The following ITGA3 variants were observed in gnomAD, a reference collection of about 807,000 sequenced individuals.
ITGA3 encodes integrin alpha-3.
ITGA3 carries 70 observed loss-of-function variants against 131.1 expected under a neutral mutation model. That is an observed-to-expected ratio of 0.53 (90% CI 0.44 to 0.65). The LOEUF (loss-of-function observed/expected upper bound fraction) is 0.65. Ranked by LOEUF, ITGA3 falls within the 30% of genes least tolerant of loss-of-function variation. ITGA3 has a pLI of 0.00. For synonymous variants in ITGA3, 537 were observed against 571.6 expected (o/e 0.94, Z 0.86); for missense variants, 1,098 against 1,388.6 (o/e 0.79, Z 3.33).
chr17:50,090,016 AG>A lies in ITGA3; in HGVS notation c.*939del, dbSNP rs1909642909. 5.3e-5 allele frequency: 14 copies of A among 264,074 alleles called. No individual in the cohort carries two copies. Among genetic ancestry groups the A allele is most frequent in the South Asian group, 4.9e-4 (14 of 28,686 alleles). 16.4% of individuals were successfully genotyped at this position (264,074 alleles called of 1,614,324 possible). On this transcript the variant is annotated 3_prime_UTR_variant, in exon 26 of 26. Coordinates refer to ENST00000320031, the MANE Select transcript of ITGA3 (RefSeq NM_002204.4). ...TGGGGCACGGCGGGATCCTCCACAG[AG>A]AGGAGGGGACCAATTCTGGACAGAC...
In ITGA3 at chr17:50,068,048, G is replaced by T. The variant is rs771343383; in HGVS notation, c.415-8G>T. 1.2e-6 allele frequency: 2 copies of T among 1,613,666 alleles called. No individual in the cohort carries two copies. The highest frequency in any genetic ancestry group is 1.7e-6 in the Non-Finnish European group (2 of 1,179,912). ...GACTAAGGCTGCCTGTGTTTGGGGGGTCCCCAGGTCTGTGCCCACCGCTAC... is the reference window on the plus strand; with the variant it reads ...GACTAAGGCTGCCTGTGTTTGGGGGTTCCCCAGGTCTGTGCCCACCGCTAC... On this transcript the variant is annotated splice_region_variant and splice_polypyrimidine_tract_variant and intron_variant, in intron 3 of 25. Coordinates refer to ENST00000320031, the MANE Select transcript of ITGA3 (RefSeq NM_002204.4).
intron 5 of ITGA3, 82 bp downstream of exon 5, chr17:50,071,012 G>A: frequency 1.1e-6 from 1 of 916,232 alleles, no homozygotes; most frequent in Non-Finnish European, 1.8e-6. Flanking sequence ...CCAGAGTGCA[G>A]TTGTGACTAA....
chr17:50,064,416 G>C lies in ITGA3; in HGVS notation c.335-112G>C. On this transcript the variant is annotated intron_variant, in intron 2 of 25. Transcript: ENST00000320031. The surrounding 1 kb of genome is among the most constrained non-coding windows in gnomAD (Gnocchi z 4.4). The stretch of plus-strand genomic sequence containing the variant: ...CGAGCTGGAGAAGGGGAGTTGGGAG[G>C]GCTGCCCTGTGGGTGGAGGGCCCAA... The C allele has an allele frequency of 8.4e-6, 10 of 1,186,762 alleles. No homozygotes were observed. The highest frequency in any genetic ancestry group is 1.1e-5 in the Non-Finnish European group (9 of 839,936). 73.5% of individuals were successfully genotyped at this position (1,186,762 alleles called of 1,614,324 possible). A position where few individuals can be genotyped will look rare whatever the true frequency, so the allele number is the denominator to read the frequency against.
rs1244733095 is a variant in ITGA3 at position 50,060,489 on chromosome 17, C to T, written c.207-3588C>T. On this transcript the variant is annotated intron_variant, in intron 1 of 25. Coordinates refer to ENST00000320031, the MANE Select transcript of ITGA3 (RefSeq NM_002204.4). ...GGCTGTTCCATTAGCTCTGAACTGCCCCAAGGGGAGTGATAGGGCAGGGGT... is the reference window on the plus strand; with the variant it reads ...GGCTGTTCCATTAGCTCTGAACTGCTCCAAGGGGAGTGATAGGGCAGGGGT... Among the ~76,000 whole-genome samples the T allele has an allele frequency of 3.9e-5, 6 of 152,302 alleles. No homozygotes were observed. The East Asian group carries it at 1.2e-3, about 29-fold the overall frequency.
At position 50,080,463 on chromosome 17, in the gene ITGA3, G is replaced by GGTGTGTGTGTGT. The variant is rs113441627; in HGVS notation, c.2820+120_2820+131dup. 141 of 506,292 alleles carry GGTGTGTGTGTGT rather than the reference G, an allele frequency of 2.8e-4. No homozygotes were observed. The African/African-American group carries it at 2.9e-3, about 10-fold the overall frequency. The allele number at this position is 506,292 out of a possible 1,614,324, so 31.4% of individuals were successfully genotyped here. ...AGGGCGAGTCCAGGGTCATAGCATGGGTGTGTGTGTGTGTGTGTGTGTGTG... is the reference window on the plus strand; with the variant it reads ...AGGGCGAGTCCAGGGTCATAGCATGGGTGTGTGTGTGTGTGTGTGTGTGTGTGTGTGTGTGTG... On this transcript the variant is annotated intron_variant, in intron 22 of 25. Coordinates refer to ENST00000320031, the MANE Select transcript of ITGA3 (RefSeq NM_002204.4).
At chr17:50,063,952 G>A in intron 1 of ITGA3, 125 bp from the exon 2 acceptor site, 2 of 1,350,772 alleles carry the variant, frequency 1.5e-6, no homozygotes, top group Non-Finnish European at 2.0e-6. Flanking sequence ...GGGCACTTCT[G>A]GAGGGCAGGA....
rs75714949 is a variant in ITGA3 at position 50,080,465 on chromosome 17, T to G, written c.2820+90T>G. On this transcript the variant is annotated intron_variant, in intron 22 of 25. Transcript: ENST00000320031. ...GGCGAGTCCAGGGTCATAGCATGGG[T>G]GTGTGTGTGTGTGTGTGTGTGTGTG... 0.13 allele frequency: 5,870 copies of G among 44,808 alleles called. 154 individuals carry two copies. The highest frequency in any genetic ancestry group is 0.24 in the Admixed American group (1,244 of 5,266). The allele number at this position is 44,808 out of a possible 1,614,324, so 2.8% of individuals were successfully genotyped here. A position where few individuals can be genotyped will look rare whatever the true frequency, so the allele number is the denominator to read the frequency against.
In ITGA3 at chr17:50,088,233, C is replaced by A. The variant is rs1343106360; in HGVS notation, c.3054C>A (p.Phe1018Leu). The A allele has an allele frequency of 5.1e-6, 8 of 1,563,916 alleles. No homozygotes were observed. The highest frequency in any genetic ancestry group is 6.9e-6 in the Non-Finnish European group (8 of 1,154,174). The change falls in exon 25 of 26, where the codon TTC becomes TTA. Residue 1018 changes from phenylalanine (F) to leucine (L), a missense_variant. Around this residue, in one of 3 missense-constraint regions of ITGA3, gnomAD observed 699 missense variants for 829.2 expected, o/e 0.84. Coordinates refer to ENST00000320031, the MANE Select transcript of ITGA3 (RefSeq NM_002204.4). ...CCTCCTCCCCTCCGCAGTGCGGCTT[C>A]TTCAAGCGAGCCCGCACTCGCGCCC... ...LIILLLWKCG[F>L]FKRARTRALY...
chr17:50,079,503 C>T lies in ITGA3; in HGVS notation c.2652C>T (p.Gly884=). 1 of 1,576,980 alleles carries T rather than the reference C, an allele frequency of 6.3e-7. No individual in the cohort carries two copies. Among genetic ancestry groups the T allele is most frequent in the South Asian group, 1.2e-5 (1 of 85,842 alleles). The change falls in exon 21 of 26, where the codon GGC becomes GGT. Residue 884 remains glycine (G), a synonymous_variant. Coordinates refer to ENST00000320031, the MANE Select transcript of ITGA3 (RefSeq NM_002204.4). The part of the protein sequence containing the change: ...RRQLDPGGGQ[G]PPPVTLAAAK... ...AGCTGGATCCAGGGGGAGGCCAGGG[C>T]CCCCCACCTGTCACTCTGGCTGCTG...
chr17:50,084,248 A>G (rs1039579658), intron 23 of ITGA3, among the ~76,000 whole-genome samples: 2 of 150,884 alleles, frequency 1.3e-5, no homozygotes, highest in South Asian at 4.2e-4. Flanking sequence ...AAAAAAAAAA[A>G]AAAAAAAAGA....
rs554892522 is a variant in ITGA3 at position 50,087,985 on chromosome 17, T to C, written c.3045+116T>C. ...CCTTCCATCTCACCCCCACCCTTCCTCCCTGTCCTCTCCACCTTCTACCAC... is the reference window on the plus strand; with the variant it reads ...CCTTCCATCTCACCCCCACCCTTCCCCCCTGTCCTCTCCACCTTCTACCAC... On this transcript the variant is annotated intron_variant, in intron 24 of 25. Coordinates refer to ENST00000320031, the MANE Select transcript of ITGA3 (RefSeq NM_002204.4). The C allele has an allele frequency of 4.8e-5, 66 of 1,378,044 alleles. No homozygotes were observed. The African/African-American group carries it at 8.9e-4, about 19-fold the overall frequency. The allele number at this position is 1,378,044 out of a possible 1,614,324, so 85.4% of individuals were successfully genotyped here.
chr17:50,059,026 G>A (rs1567695374), intron 1 of ITGA3, among the ~76,000 whole-genome samples: 1 of 152,184 alleles, frequency 6.6e-6, no homozygotes, highest in Non-Finnish European at 1.5e-5. Flanking sequence ...CCATTCATAA[G>A]GCCTCAGAAA....
intron 3 of ITGA3, chr17:50,065,242 A>G (rs1371488255): frequency 1.3e-5 from 2 of 152,222 alleles, no homozygotes; most frequent in Non-Finnish European, 2.9e-5. Context: ...TGGTGCTCAT[A>G]TGATGCCACC....
In ITGA3 at chr17:50,068,311, G is replaced by C. The variant is rs770623576; in HGVS notation, c.664+6G>C. ...CGGTGCCTACAACTGGAAAGGTGGG[G>C]ACCATGGGGCCATGGGGGAAGAAAG... On this transcript the variant is annotated splice_donor_region_variant and intron_variant, in intron 4 of 25. Transcript: ENST00000320031. 1 of 1,612,232 alleles carries C rather than the reference G, an allele frequency of 6.2e-7. No individual in the cohort carries two copies. Among genetic ancestry groups the C allele is most frequent in the Non-Finnish European group, 8.5e-7 (1 of 1,179,744 alleles).
At chr17:50,088,430 T>C in intron 25 of ITGA3, 64 bp downstream of exon 25, 1 of 809,228 alleles carries the variant, frequency 1.2e-6, no homozygotes, top group Non-Finnish European at 2.1e-6. Context: ...GACTCTGTCC[T>C]ATCTGCTCCT....
At position 50,064,119 on chromosome 17, in the gene ITGA3, C is replaced by T; in HGVS notation, c.249C>T (p.Gly83=). ...CCCGGGAGCTCGCTGTGCCCGATGG[C>T]TACACCAACCGGACTGGTGCTGTGT... ...GAPRELAVPD[G]YTNRTGAVYL... The change falls in exon 2 of 26, where the codon GGC becomes GGT. Residue 83 remains glycine (G), a synonymous_variant. Transcript: ENST00000320031. The surrounding 1 kb of genome is among the most constrained non-coding windows in gnomAD (Gnocchi z 4.4). 1.2e-6 allele frequency: 2 copies of T among 1,612,692 alleles called. No individual in the cohort carries two copies. Among genetic ancestry groups the T allele is most frequent in the Non-Finnish European group, 1.7e-6 (2 of 1,179,654 alleles).
At chr17:50,070,760 G>A in intron 4 of ITGA3, 84 bp from the exon 5 acceptor site, 2 of 732,132 alleles carry the variant, frequency 2.7e-6, no homozygotes, top group Non-Finnish European at 4.8e-6. Context: ...GGGTGGGGGT[G>A]GGGGTGGGCT....
intron 1 of ITGA3, among the ~76,000 whole-genome samples, chr17:50,061,661 A>G (rs1908085838): frequency 6.6e-6 from 1 of 151,934 alleles, no homozygotes; most frequent in Non-Finnish European, 1.5e-5. Flanking sequence ...AAGTCTTCCT[A>G]TGTCTCCCTG....
At position 50,075,640 on chromosome 17, in the gene ITGA3, C is replaced by G. The variant is rs199811850; in HGVS notation, c.1579C>G (p.Pro527Ala). 6.2e-7 allele frequency: 1 copy of G among 1,614,204 alleles called. No homozygotes were observed. The change falls in exon 12 of 26, where the codon CCC becomes GCC. Residue 527 changes from proline to alanine, a missense_variant. Physicochemically the swap from Pro to Ala is conservative, Grantham distance 27. Around this residue, in one of 3 missense-constraint regions of ITGA3, gnomAD observed 699 missense variants for 829.2 expected, o/e 0.84. Coordinates refer to ENST00000320031, the MANE Select transcript of ITGA3 (RefSeq NM_002204.4). ...TLEADRDRRP[P>A]RLRFAGSESA... ...GGAGGCTGACAGGGACCGCCGGCCG[C>G]CCCGGCTCCGCTTTGCCGGCAGTGA...
Sources: allele counts gnomAD v4.1 joint callset (sites outside exome capture counted in the v4.1 genomes callset), GRCh38; gene constraint gnomAD v4.1.1; regional missense constraint gnomAD v4.1.1; non-coding constraint Gnocchi (gnomAD v3.1); transcripts MANE v1.5; gene names NCBI Gene and HGNC (gene_info 2026-07-23, HGNC 2026-07-21).